Variants in FAM193A observed in about 807,000 individuals in gnomAD.
FAM193A encodes family with sequence similarity 193 member A.
FAM193A carries 22 observed loss-of-function variants against 126.5 expected under a neutral mutation model. The observed-to-expected ratio is 0.17, with a 90% CI of 0.12 to 0.25. The LOEUF (loss-of-function observed/expected upper bound fraction) is 0.25. Among genes scored for constraint, FAM193A ranks in the 10% least tolerant of loss-of-function variants. The pLI is 1.00. For missense variants in FAM193A, 1,675 were observed against 1,672.8 expected (o/e 1.00, Z -0.02); for synonymous variants, 761 against 646.8 (o/e 1.18, Z -2.68).
At chr4:2,634,784 C>T (rs552385347) in intron 5 of FAM193A, among the ~76,000 whole-genome samples, 7 of 152,220 alleles carry the variant, frequency 4.6e-5, no homozygotes, top group Admixed American at 2.0e-4. Context: ...AGCTACAGAA[C>T]ATCAAAGAAA....
Position 2,590,501 on chromosome 4 carries a change from A to C in FAM193A, c.256-5583A>C, listed in dbSNP as rs199635587. On this transcript the variant is annotated intron_variant, in intron 1 of 20. Coordinates refer to ENST00000637812, the MANE Select transcript of FAM193A (RefSeq NM_001366318.2). ...CAAAAAAAAACAAAAAAAAACAAAA[A>C]AAAACAAAAAAAAAACAAAACAAAA... Among the ~76,000 whole-genome samples the C allele has an allele frequency of 1.2e-3, 53 of 43,642 alleles. 7 individuals carry two copies. The highest frequency in any genetic ancestry group is 2.7e-3 in the African/African-American group (24 of 8,940). 28.6% of individuals were successfully genotyped at this position (43,642 alleles called of 152,430 possible). A position where few individuals can be genotyped will look rare whatever the true frequency, so the allele number is the denominator to read the frequency against.
chr4:2,621,495 T>C (rs1742542525), intron 2 of FAM193A, among the ~76,000 whole-genome samples: 1 of 152,118 alleles, frequency 6.6e-6, no homozygotes, highest in Admixed American at 6.5e-5. Context: ...TGAGCAACCT[T>C]GAAAGCTGTG....
At chr4:2,607,561 T>C (rs1281606760) in intron 2 of FAM193A, among the ~76,000 whole-genome samples, 1 of 152,256 alleles carries the variant, frequency 6.6e-6, no homozygotes, top group African/African-American at 2.4e-5. Context: ...TGCTGATACA[T>C]ATTTAACATA....
At chr4:2,650,745 CT>C (rs1745580218) in intron 7 of FAM193A, among the ~76,000 whole-genome samples, 1 of 152,164 alleles carries the variant, frequency 6.6e-6, no homozygotes, top group Non-Finnish European at 1.5e-5. Flanking sequence ...TCATTGAAAC[CT>C]CCCAAGTGCA....
intron 20 of FAM193A, among the ~76,000 whole-genome samples, chr4:2,725,187 A>C (rs1720585111): frequency 1.3e-5 from 2 of 151,946 alleles, no homozygotes; most frequent in Non-Finnish European, 2.9e-5. Context: ...CCCTGTCTCT[A>C]TTTTTTAATT....
intron 4 of FAM193A, among the ~76,000 whole-genome samples, chr4:2,627,159 CTTTTTTTTT>C (rs11385994): frequency 7.9e-6 from 1 of 126,308 alleles, no homozygotes; most frequent in African/African-American, 3.0e-5. Flanking sequence ...TTTGATGTAA[CTTTTTTTTT>C]TTTTTTTTTT....
intron 1 of FAM193A, among the ~76,000 whole-genome samples, chr4:2,559,172 A>G (rs1430222572): frequency 6.6e-6 from 1 of 152,214 alleles, no homozygotes; most frequent in East Asian, 1.9e-4. Context: ...AGATGTCCAC[A>G]CCTGTATTCC....
intron 10 of FAM193A, 30 bp from the exon 11 acceptor site, chr4:2,662,808 C>A: frequency 1.3e-6 from 2 of 1,583,268 alleles, no homozygotes; most frequent in South Asian, 1.1e-5. Context: ...AATTGAATGA[C>A]CTCACAGTGA....
At chr4:2,604,734 G>A (rs1424937156) in intron 2 of FAM193A, among the ~76,000 whole-genome samples, 3 of 150,304 alleles carry the variant, frequency 2.0e-5, no homozygotes, top group African/African-American at 7.3e-5. Context: ...AGTATATATA[G>A]AGGTAGACTT....
At chr4:2,638,210 C>T (rs770196305) in intron 5 of FAM193A, among the ~76,000 whole-genome samples, 27 of 152,202 alleles carry the variant, frequency 1.8e-4, no homozygotes, top group Non-Finnish European at 3.5e-4. Context: ...GTAGCTGAAT[C>T]GTAAGTCAGG....
At chr4:2,721,311 TCAAA>T (rs1560616174) in intron 20 of FAM193A, among the ~76,000 whole-genome samples, 5 of 29,232 alleles carry the variant, frequency 1.7e-4, no homozygotes, top group African/African-American at 7.6e-4. Flanking sequence ...AGACTCCGTC[TCAAA>T]AAAAAAAAAA....
At chr4:2,702,923 G>A (rs905260742) in intron 19 of FAM193A, among the ~76,000 whole-genome samples, 4 of 151,822 alleles carry the variant, frequency 2.6e-5, no homozygotes, top group Non-Finnish European at 5.9e-5. Flanking sequence ...ACCTGATTGC[G>A]TTTTTCCATT....
chr4:2,670,581 C>T (rs1339716211), intron 12 of FAM193A, among the ~76,000 whole-genome samples: 1 of 152,024 alleles, frequency 6.6e-6, no homozygotes, highest in Non-Finnish European at 1.5e-5. Context: ...CACCTCAGCC[C>T]CCCAAGTACT....
At chr4:2,546,874 A>G (rs570236206) in intron 1 of FAM193A, among the ~76,000 whole-genome samples, 38 of 152,242 alleles carry the variant, frequency 2.5e-4, no homozygotes, top group African/African-American at 8.7e-4. Context: ...TACTCACGCA[A>G]TGTCTGAGAG....
chr4:2,678,158 T>G (rs1047297812), intron 13 of FAM193A, among the ~76,000 whole-genome samples: 6 of 151,920 alleles, frequency 3.9e-5, no homozygotes, highest in African/African-American at 1.5e-4. Flanking sequence ...GCTAATTTTT[T>G]GTATTTTAAT....
intron 1 of FAM193A, among the ~76,000 whole-genome samples, chr4:2,577,407 A>G (rs1389127068): frequency 8.7e-6 from 1 of 115,562 alleles, no homozygotes; most frequent in Non-Finnish European, 1.9e-5. Flanking sequence ...ACTCAATTAA[A>G]GTGGTTTTTT....
chr4:2,720,922 C>G (rs1259153223), intron 20 of FAM193A, among the ~76,000 whole-genome samples: 1 of 152,072 alleles, frequency 6.6e-6, no homozygotes, highest in Non-Finnish European at 1.5e-5. Context: ...GCCTGTAATC[C>G]CAGTGCTAGG....
intron 1 of FAM193A, among the ~76,000 whole-genome samples, chr4:2,573,062 T>C (rs1187790945): frequency 6.6e-6 from 1 of 152,184 alleles, no homozygotes. Context: ...CTCATGCTCT[T>C]GAGTTCTTGG....
chr4:2,577,281 C>T (rs1172025867), intron 1 of FAM193A, among the ~76,000 whole-genome samples: 1 of 152,084 alleles, frequency 6.6e-6, no homozygotes, highest in East Asian at 1.9e-4. Flanking sequence ...ATTGTTAGTG[C>T]TTGGGACTAT....
Sources: gnomAD v4.1 joint callset for allele counts (sites outside exome capture counted in the v4.1 genomes callset) on GRCh38, gnomAD v4.1.1 for gene constraint, MANE v1.5 for transcripts, NCBI Gene and HGNC (gene_info 2026-07-23, HGNC 2026-07-21) for gene names.